Variants in GAS7 observed in about 807,000 individuals in gnomAD.
GAS7 encodes growth arrest specific 7.
In GAS7, 28 loss-of-function variants were observed where a neutral mutation model predicts 71.1. The ratio of observed to expected loss-of-function variants is 0.39; its 90% CI spans 0.29 to 0.54. The LOEUF is 0.54. Ranked by LOEUF, GAS7 falls within the 20% of genes least tolerant of loss-of-function variation. The pLI is 0.62. For synonymous variants in GAS7, 258 were observed against 245.8 expected (o/e 1.05, Z -0.46); for missense variants, 436 against 627.8 (o/e 0.69, Z 3.27).
rs369363437 is a variant in GAS7, at chr17:10,075,123, T to C, written c.184-55226A>G. ...CTGTAATCCCAGCACTTTAGGAGGC[T>C]GAGGTGGGCAAATCACGAGGTCAGG... On this transcript the variant is annotated intron_variant, in intron 1 of 13. Transcript: ENST00000432992. Among the ~76,000 whole-genome samples, 52 of 152,160 alleles carry C rather than the reference T, an allele frequency of 3.4e-4. No individual in the cohort carries two copies. In the Middle Eastern group the frequency reaches 0.01, roughly 30 times the overall value.
chr17:10,161,195 T>C (rs552675054), intron 1 of GAS7, among the ~76,000 whole-genome samples: 368 of 152,308 alleles, frequency 2.4e-3, no homozygotes, highest in Non-Finnish European at 4.1e-3. Context: ...ATAATCTTCC[T>C]AGCTTTAACA....
intron 5 of GAS7, among the ~76,000 whole-genome samples, chr17:9,957,681 G>A (rs1411252276): frequency 1.3e-5 from 2 of 151,096 alleles, no homozygotes; most frequent in Non-Finnish European, 2.9e-5. Context: ...TTGAAGATGG[G>A]GACTGTACCC....
intron 1 of GAS7, among the ~76,000 whole-genome samples, chr17:10,139,660 G>A (rs1464477550): frequency 2.0e-5 from 3 of 152,196 alleles, no homozygotes; most frequent in African/African-American, 7.2e-5. Context: ...GCTTTCTACT[G>A]TGTCAACATG....
rs76175674 is a variant in GAS7 at position 9,981,554 on chromosome 17, C to T, written c.385+250G>A. 0.02 allele frequency among the ~76,000 whole-genome samples: 3,005 copies of T among 152,262 alleles called. 94 individuals are homozygous for T. Among genetic ancestry groups the T allele is most frequent in the African/African-American group, 0.069 (2,870 of 41,542 alleles). On this transcript the variant is annotated intron_variant, in intron 3 of 13. Coordinates refer to ENST00000432992, the MANE Select transcript of GAS7 (RefSeq NM_201433.2). This position sits in a 1 kb window ranked among gnomAD's most constrained non-coding sequence, Gnocchi z 4.4. ...GGAAAGAGCTCTGACACCTCACCTC[C>T]CCCAGCCATCTCCTCCCACTAAGCG...
chr17:9,910,648 T>C lies in GAS7; in HGVS notation c.*6580A>G, dbSNP rs1597420468. The C allele has an allele frequency of 2.5e-5, 5 of 198,746 alleles. No individual in the cohort carries two copies. In the East Asian group the frequency reaches 3.9e-4, roughly 15 times the overall value. The allele number at this position is 198,746 out of a possible 1,614,324, so 12.3% of individuals were successfully genotyped here. A position where few individuals can be genotyped will look rare whatever the true frequency, so the allele number is the denominator to read the frequency against. ...TCTTTATAATAATGCAGGACAACTG[T>C]ATATAGCAAACGCCTTCAAAATTTA... On this transcript the variant is annotated 3_prime_UTR_variant, in exon 14 of 14. Transcript: ENST00000432992.
intron 1 of GAS7, among the ~76,000 whole-genome samples, chr17:10,143,513 G>T (rs1373535312): frequency 6.8e-6 from 1 of 147,948 alleles, no homozygotes; most frequent in African/African-American, 2.5e-5. Context: ...TTGCACTACA[G>T]CCTGGGCAAC....
chr17:9,994,843 A>C (rs2070978249), intron 2 of GAS7, among the ~76,000 whole-genome samples: 1 of 151,766 alleles, frequency 6.6e-6, no homozygotes, highest in Non-Finnish European at 1.5e-5. Context: ...GAAAAAAAAC[A>C]AACAACCCCT....
At chr17:10,160,939 T>TACACACACACACACACACACACACACAC (rs61578754) in intron 1 of GAS7, among the ~76,000 whole-genome samples, 1 of 139,604 alleles carries the variant, frequency 7.2e-6, no homozygotes, top group African/African-American at 2.7e-5. Context: ...ATTGAAACCA[T>TACACACACACACACACACACACACACAC]ACACACACAC....
At position 9,910,885 on chromosome 17, in the gene GAS7, C is replaced by G. The variant is rs9545; in HGVS notation, c.*6343G>C. ...CAATGTGGAGGAAACACATTCATAC[C>G]GGGGTGAGGAGTGCTGGCGGGAGAC... is the stretch of plus-strand genomic sequence containing the variant. On this transcript the variant is annotated 3_prime_UTR_variant, in exon 14 of 14. Coordinates refer to ENST00000432992, the MANE Select transcript of GAS7 (RefSeq NM_201433.2). 0.09 allele frequency: 20,558 copies of G among 228,744 alleles called. 1,268 individuals carry two copies. Among genetic ancestry groups the G allele is most frequent in the African/African-American group, 0.19 (8,457 of 45,000 alleles). 14.2% of individuals were successfully genotyped at this position (228,744 alleles called of 1,614,324 possible). A position where few individuals can be genotyped will look rare whatever the true frequency, so the allele number is the denominator to read the frequency against.
chr17:10,005,205 G>GCACACA (rs2071461696), intron 2 of GAS7, among the ~76,000 whole-genome samples: 1 of 141,632 alleles, frequency 7.1e-6, no homozygotes, highest in Non-Finnish European at 1.5e-5. Context: ...ATGCATGTGT[G>GCACACA]TGCATGTGCG....
At chr17:10,157,288 G>C (rs763915428) in intron 1 of GAS7, among the ~76,000 whole-genome samples, 6 of 151,914 alleles carry the variant, frequency 3.9e-5, no homozygotes, top group African/African-American at 1.5e-4. Context: ...GAGCTGACGA[G>C]GGGAATAATT....
chr17:10,193,649 G>A (rs1422681174), intron 1 of GAS7, among the ~76,000 whole-genome samples: 5 of 152,220 alleles, frequency 3.3e-5, no homozygotes, highest in Admixed American at 6.5e-5. Flanking sequence ...GAAGAGAAAG[G>A]CCATGTGGAA....
intron 11 of GAS7, among the ~76,000 whole-genome samples, chr17:9,923,518 G>C (rs997875020): frequency 1.2e-4 from 19 of 152,308 alleles, no homozygotes; most frequent in African/African-American, 4.6e-4. Flanking sequence ...GAGTTAATCA[G>C]TTCACAGAAA....
chr17:9,931,972 G>A (rs1276080162), intron 9 of GAS7, among the ~76,000 whole-genome samples: 1 of 152,124 alleles, frequency 6.6e-6, no homozygotes, highest in East Asian at 1.9e-4. Context: ...ACGACACTAG[G>A]AAAGAGACAG....
At chr17:9,949,881 T>C (rs566504266) in intron 5 of GAS7, among the ~76,000 whole-genome samples, 56 of 149,484 alleles carry the variant, frequency 3.7e-4, no homozygotes, top group African/African-American at 1.4e-3. Context: ...CTTTCTTTTT[T>C]AGACAGAATC....
At chr17:10,159,065 C>CATATATATAT (rs745794234) in intron 1 of GAS7, among the ~76,000 whole-genome samples, 2,927 of 59,708 alleles carry the variant, frequency 0.049, 210 homozygotes, top group African/African-American at 0.064. Context: ...GTCTCTAAAA[C>CATATATATAT]ATATATATAT....
chr17:10,011,891 G>C (rs999551570), intron 2 of GAS7, among the ~76,000 whole-genome samples: 1 of 151,344 alleles, frequency 6.6e-6, no homozygotes, highest in Non-Finnish European at 1.5e-5. Flanking sequence ...CAGGAGAATC[G>C]CTTGAACCTG....
chr17:9,966,028 TCG>T (rs1328953209), intron 4 of GAS7, among the ~76,000 whole-genome samples: 2 of 137,070 alleles, frequency 1.5e-5, no homozygotes, highest in East Asian at 4.7e-4. Context: ...AGATGGAGTC[TCG>T]CTCTGTCGCC....
intron 1 of GAS7, among the ~76,000 whole-genome samples, chr17:10,085,745 A>T (rs1412669920): frequency 6.6e-6 from 1 of 151,708 alleles, no homozygotes; most frequent in African/African-American, 2.4e-5. Context: ...ACCATCCCTT[A>T]CTGAGTGATG....
Sources: gnomAD v4.1 joint callset for allele counts (sites outside exome capture counted in the v4.1 genomes callset) on GRCh38, gnomAD v4.1.1 for gene constraint, Gnocchi (gnomAD v3.1) non-coding constraint, MANE v1.5 for transcripts, NCBI Gene and HGNC (gene_info 2026-07-23, HGNC 2026-07-21) for gene names.